Variants in CRADD observed in about 807,000 individuals in gnomAD.
CRADD encodes death domain-containing protein CRADD.
Under a neutral mutation model 15.5 loss-of-function variants are expected in CRADD, and 9 were observed. The ratio of observed to expected loss-of-function variants is 0.58; its 90% CI spans 0.35 to 1.01. The LOEUF (loss-of-function observed/expected upper bound fraction) is 1.01, where lower values mean the gene tolerates loss of function less well. CRADD is among the 50% of genes least tolerant of loss of function. The pLI is 0.02. For synonymous variants in CRADD, 118 were observed against 107.6 expected (o/e 1.10, Z -0.60); for missense variants, 227 against 250.3 (o/e 0.91, Z 0.63).
At chr12:93,699,967 A>C (rs1478833432) in intron 2 of CRADD, among the ~76,000 whole-genome samples, 1 of 152,202 alleles carries the variant, frequency 6.6e-6, no homozygotes, top group Non-Finnish European at 1.5e-5. Context: ...AGCATGCAGC[A>C]TGAAGGAGCG....
intron 2 of CRADD, among the ~76,000 whole-genome samples, chr12:93,826,271 T>G (rs1441021050): frequency 2.0e-5 from 3 of 152,248 alleles, no homozygotes; most frequent in Admixed American, 1.3e-4. Flanking sequence ...GCTGTGAAAC[T>G]TGGGTTAAAT....
intron 2 of CRADD, among the ~76,000 whole-genome samples, chr12:93,774,984 T>C (rs1957126091): frequency 1.3e-5 from 2 of 152,302 alleles, no homozygotes; most frequent in South Asian, 2.1e-4. Flanking sequence ...TTTTTGGGAA[T>C]TTGATCTGTC....
intron 2 of CRADD, among the ~76,000 whole-genome samples, chr12:93,697,731 TA>T (rs1389284508): frequency 6.6e-6 from 1 of 152,190 alleles, no homozygotes; most frequent in East Asian, 1.9e-4. Context: ...CTGAGGCCCT[TA>T]TACCAAAGGA....
chr12:93,851,727 C>T (rs1336923934), downstream of CRADD, among the ~76,000 whole-genome samples: 1 of 152,164 alleles, frequency 6.6e-6, no homozygotes, highest in African/African-American at 2.4e-5. Context: ...ACAATGGGGC[C>T]AGTCTGTGAT....
intron 2 of CRADD, among the ~76,000 whole-genome samples, chr12:93,764,030 C>T (rs1956999336): frequency 6.6e-6 from 1 of 152,096 alleles, no homozygotes; most frequent in South Asian, 2.1e-4. Context: ...GTCTGGTGGG[C>T]AGACAGAATG....
At chr12:93,757,088 T>G (rs1592964570) in intron 2 of CRADD, among the ~76,000 whole-genome samples, 1 of 152,214 alleles carries the variant, frequency 6.6e-6, no homozygotes, top group African/African-American at 2.4e-5. Context: ...ATCCAACCAC[T>G]TTTGTTGGAA....
At chr12:93,754,614 A>G (rs1213344125) in intron 2 of CRADD, among the ~76,000 whole-genome samples, 1 of 152,238 alleles carries the variant, frequency 6.6e-6, no homozygotes, top group East Asian at 1.9e-4. Flanking sequence ...TTGCTAAAGC[A>G]TAGCAAGAGT....
chr12:93,875,179 T>A (rs1179732153), intron 2 of CRADD, among the ~76,000 whole-genome samples: 1 of 152,146 alleles, frequency 6.6e-6, no homozygotes, highest in African/African-American at 2.4e-5. Flanking sequence ...TGACTTTCTT[T>A]GTTTCTTCTT....
At chr12:93,880,206 C>T (rs182098369) in intron 2 of CRADD, among the ~76,000 whole-genome samples, 57 of 152,240 alleles carry the variant, frequency 3.7e-4, no homozygotes, top group African/African-American at 1.2e-3. Flanking sequence ...TCTTATCTTA[C>T]GGATCACATT....
chr12:93,732,150 A>AG (rs1341848295), intron 2 of CRADD, among the ~76,000 whole-genome samples: 5 of 152,018 alleles, frequency 3.3e-5, no homozygotes, highest in Non-Finnish European at 5.9e-5. Context: ...AAAAAAAAAA[A>AG]AAAGAAAGAA....
chr12:93,699,534 C>T (rs543987876), intron 2 of CRADD, among the ~76,000 whole-genome samples: 1 of 152,304 alleles, frequency 6.6e-6, no homozygotes, highest in Non-Finnish European at 1.5e-5. Flanking sequence ...GAAGCATTTG[C>T]CTTTTGTTCC....
At chr12:93,883,727 G>A (rs1245405488) in intron 2 of CRADD, among the ~76,000 whole-genome samples, 1 of 152,170 alleles carries the variant, frequency 6.6e-6, no homozygotes, top group Non-Finnish European at 1.5e-5. Context: ...TAGCTACTTG[G>A]AAGGCTGAGG....
chr12:93,750,337 C>T (rs867037478), intron 2 of CRADD, among the ~76,000 whole-genome samples: 25 of 152,274 alleles, frequency 1.6e-4, no homozygotes, highest in Middle Eastern at 3.4e-3. Context: ...CTTTCAGAGT[C>T]GTAGTAGAGC....
At chr12:93,804,521 AGAAC>A (rs1179072973) in intron 2 of CRADD, among the ~76,000 whole-genome samples, 3 of 152,144 alleles carry the variant, frequency 2.0e-5, no homozygotes, top group Non-Finnish European at 4.4e-5. Flanking sequence ...AAGTCTCAGG[AGAAC>A]AATGAAATGT....
chr12:93,854,256 G>A (rs572238819), downstream of CRADD, among the ~76,000 whole-genome samples: 144 of 152,168 alleles, frequency 9.5e-4, no homozygotes, highest in Middle Eastern at 0.01. Flanking sequence ...GCTCTAGGGC[G>A]GCCTCACTCA....
intron 2 of CRADD, among the ~76,000 whole-genome samples, chr12:93,764,686 C>A (rs1201868311): frequency 6.6e-6 from 1 of 150,520 alleles, no homozygotes; most frequent in Admixed American, 6.6e-5. Flanking sequence ...TGACAGTTTT[C>A]TTCCAAATTG....
At chr12:93,857,555 A>C (rs903929541) in intron 2 of CRADD, among the ~76,000 whole-genome samples, 3 of 152,218 alleles carry the variant, frequency 2.0e-5, no homozygotes, top group African/African-American at 7.2e-5. Context: ...AATAGTAGGT[A>C]GTGGTTTATC....
At chr12:93,861,587 C>T (rs1958319875) in intron 2 of CRADD, among the ~76,000 whole-genome samples, 1 of 152,178 alleles carries the variant, frequency 6.6e-6, no homozygotes, top group African/African-American at 2.4e-5. Context: ...CCCTGCACCT[C>T]AACTCAGGAC....
intron 2 of CRADD, among the ~76,000 whole-genome samples, chr12:93,789,435 T>C (rs1957324455): frequency 6.6e-6 from 1 of 152,158 alleles, no homozygotes; most frequent in South Asian, 2.1e-4. Context: ...AGAGACAGGA[T>C]GACGATTGGT....
Sources: gnomAD v4.1 joint callset for allele counts (sites outside exome capture counted in the v4.1 genomes callset) on GRCh38, gnomAD v4.1.1 for gene constraint, MANE v1.5 for transcripts, NCBI Gene and HGNC (gene_info 2026-07-23, HGNC 2026-07-21) for gene names.